COL23A1: variants seen among roughly 807,000 people sequenced by gnomAD.
COL23A1 encodes the protein collagen type XXIII alpha 1 chain, also known as collagen alpha-1(XXIII) chain.
COL23A1 carries 97 observed loss-of-function variants against 99.3 expected under a neutral mutation model. The ratio of observed to expected loss-of-function variants is 0.98; its 90% confidence interval spans 0.83 to 1.16. The LOEUF (loss-of-function observed/expected upper bound fraction) is 1.16. Among genes scored for constraint, COL23A1 ranks in the 50% most tolerant of loss-of-function variants. The pLI is 0.00. For synonymous variants in COL23A1, 320 were observed against 308.2 expected (o/e 1.04, Z -0.40); for missense variants, 762 against 757.4 (o/e 1.01, Z -0.07).
rs962252733 is a variant in COL23A1 at position 178,306,137 on chromosome 5, G to T, written c.406+738C>A. On this transcript the variant is annotated intron_variant, in intron 3 of 28. Coordinates refer to ENST00000390654, the MANE Select transcript of COL23A1 (RefSeq NM_173465.4). This position sits in a 1 kb window ranked among gnomAD's most constrained non-coding sequence, Gnocchi z 4.1. ...TGGGTCCCGTGAGAATGGCAAAGGA[G>T]CCCGGGTCACAGATGAGGGAGGAAG... Among the ~76,000 whole-genome samples, 1 of 152,128 alleles carries T rather than the reference G, an allele frequency of 6.6e-6. No individual in the cohort carries two copies. The highest frequency in any genetic ancestry group is 1.5e-5 in the Non-Finnish European group (1 of 68,018).
chr5:178,562,331 G>A (rs1022954247), intron 1 of COL23A1: 1 of 234,242 alleles, frequency 4.3e-6, no homozygotes, highest in Non-Finnish European at 8.7e-6. Flanking sequence ...GAGGCCGGCG[G>A]ATCACGAGGT....
chr5:178,374,063 T>C (rs1460065285), intron 2 of COL23A1, among the ~76,000 whole-genome samples: 1 of 152,172 alleles, frequency 6.6e-6, no homozygotes, highest in Non-Finnish European at 1.5e-5. Context: ...GAGTCCAATT[T>C]TACTCACAAG....
At chr5:178,555,172 T>C (rs898095795) in intron 2 of COL23A1, among the ~76,000 whole-genome samples, 1 of 152,152 alleles carries the variant, frequency 6.6e-6, no homozygotes, top group Non-Finnish European at 1.5e-5. Context: ...CCAAATCTCC[T>C]TTTATTACAG....
intron 2 of COL23A1, among the ~76,000 whole-genome samples, chr5:178,482,287 G>A (rs1019852405): frequency 2.6e-5 from 4 of 152,060 alleles, no homozygotes; most frequent in African/African-American, 4.8e-5. Flanking sequence ...ATGAAGTTCT[G>A]ATACATGCTA....
At position 178,518,436 on chromosome 5, in the gene COL23A1, C is replaced by T. The variant is rs1258426594; in HGVS notation, c.361+42246G>A. Among the ~76,000 whole-genome samples, 103 of 150,788 alleles carry T rather than the reference C, an allele frequency of 6.8e-4. No homozygotes were observed. The East Asian group carries it at 0.01, about 15-fold the overall frequency. ...GCACACCTCCCAGACGGGGTGGTGG[C>T]CGGGCAGAGGGGCTCCTCACTTCCC... On this transcript the variant is annotated intron_variant, in intron 2 of 28. Transcript: ENST00000390654.
intron 2 of COL23A1, among the ~76,000 whole-genome samples, chr5:178,520,909 T>C (rs1238988330): frequency 6.6e-6 from 1 of 152,260 alleles, no homozygotes; most frequent in Non-Finnish European, 1.5e-5. Flanking sequence ...GTCACAGTCC[T>C]GTGTCACTAA....
chr5:178,304,069 G>A (rs182441555), intron 3 of COL23A1, among the ~76,000 whole-genome samples: 1 of 152,358 alleles, frequency 6.6e-6, no homozygotes, highest in East Asian at 1.9e-4. Context: ...ATTTCAGATA[G>A]AGACATAGAA....
At chr5:178,357,930 ATGTG>A (rs1478512733) in intron 2 of COL23A1, among the ~76,000 whole-genome samples, 5 of 132,476 alleles carry the variant, frequency 3.8e-5, no homozygotes, top group South Asian at 2.4e-4. Context: ...GTATGTGTGT[ATGTG>A]TATGTATGTG....
intron 2 of COL23A1, among the ~76,000 whole-genome samples, chr5:178,359,223 G>A (rs71611426): frequency 0.12 from 17,981 of 152,208 alleles, 1,146 homozygotes; most frequent in Non-Finnish European, 0.13. Flanking sequence ...CTGCCAAGAC[G>A]AAATAAGATA....
intron 2 of COL23A1, among the ~76,000 whole-genome samples, chr5:178,531,577 T>TC (rs1562060258): frequency 1.3e-5 from 2 of 151,946 alleles, no homozygotes; most frequent in African/African-American, 4.8e-5. Context: ...AAGAAGATAA[T>TC]CCCCCCGTGT....
At chr5:178,252,005 C>A (rs1273733325) in intron 17 of COL23A1, among the ~76,000 whole-genome samples, 1 of 151,646 alleles carries the variant, frequency 6.6e-6, no homozygotes, top group African/African-American at 2.4e-5. Flanking sequence ...CCTCTGCCTC[C>A]CAGGTTCAAG....
At chr5:178,524,638 C>A (rs927888376) in intron 2 of COL23A1, among the ~76,000 whole-genome samples, 1 of 152,268 alleles carries the variant, frequency 6.6e-6, no homozygotes, top group South Asian at 2.1e-4. Context: ...CCTGGCCACA[C>A]CTGCCCATTC....
chr5:178,326,550 C>T (rs1373055977), intron 2 of COL23A1, among the ~76,000 whole-genome samples: 1 of 152,164 alleles, frequency 6.6e-6, no homozygotes, highest in East Asian at 1.9e-4. Context: ...GGGCCCTGGC[C>T]ATCTGTCCAC....
At chr5:178,479,810 C>T (rs958966086) in intron 2 of COL23A1, among the ~76,000 whole-genome samples, 2 of 152,224 alleles carry the variant, frequency 1.3e-5, no homozygotes, top group East Asian at 1.9e-4. Flanking sequence ...TCATGCCTCT[C>T]TTAATGACAG....
intron 2 of COL23A1, among the ~76,000 whole-genome samples, chr5:178,509,656 CA>C (rs1473604889): frequency 2.6e-5 from 4 of 152,142 alleles, no homozygotes; most frequent in African/African-American, 9.7e-5. Flanking sequence ...GCACCACTGC[CA>C]AAACACACTG....
chr5:178,238,909 C>A (rs1459123221), intron 28 of COL23A1, among the ~76,000 whole-genome samples: 1 of 152,172 alleles, frequency 6.6e-6, no homozygotes, highest in African/African-American at 2.4e-5. Context: ...GTCCATGTGA[C>A]CCACAGGATG....
At chr5:178,333,299 G>A (rs1760139426) in intron 2 of COL23A1, among the ~76,000 whole-genome samples, 1 of 152,196 alleles carries the variant, frequency 6.6e-6, no homozygotes, top group South Asian at 2.1e-4. Context: ...AAAAGCCCTG[G>A]AAGGTCAGCA....
chr5:178,451,487 C>A (rs368443331), intron 2 of COL23A1, among the ~76,000 whole-genome samples: 16 of 152,042 alleles, frequency 1.1e-4, no homozygotes, highest in African/African-American at 3.9e-4. Context: ...GAAACCCTGT[C>A]TCTATTAAAA....
chr5:178,406,800 A>G (rs1764789860), intron 2 of COL23A1, among the ~76,000 whole-genome samples: 1 of 152,140 alleles, frequency 6.6e-6, no homozygotes, highest in Non-Finnish European at 1.5e-5. Flanking sequence ...GATAGCTTTG[A>G]TAACTTTGAA....
Sources: allele counts gnomAD v4.1 joint callset (sites outside exome capture counted in the v4.1 genomes callset), GRCh38; gene constraint gnomAD v4.1.1; non-coding constraint Gnocchi (gnomAD v3.1); transcripts MANE v1.5; gene names NCBI Gene and HGNC (gene_info 2026-07-23, HGNC 2026-07-21).